The following GRM5 variants were observed in gnomAD, a reference collection of about 807,000 sequenced individuals.
GRM5 encodes metabotropic glutamate receptor 5.
A neutral mutation model predicts 83.1 loss-of-function variants in GRM5; 19 were observed. The ratio of observed to expected loss-of-function variants is 0.23; its 90% CI spans 0.16 to 0.34. The LOEUF is 0.34. GRM5 is among the 10% of genes least tolerant of loss of function. The pLI, the probability that GRM5 is intolerant of heterozygous loss-of-function variation, is 1.00. For missense variants in GRM5, 1,160 were observed against 1,588.3 expected (o/e 0.73, Z 4.58); for synonymous variants, 675 against 633.6 (o/e 1.07, Z -0.98).
chr11:89,002,127 T>C (rs1940401289), intron 2 of GRM5, among the ~76,000 whole-genome samples: 1 of 152,158 alleles, frequency 6.6e-6, no homozygotes, highest in Non-Finnish European at 1.5e-5. Flanking sequence ...GGATTGAACA[T>C]ATTTCTATTT....
intron 2 of GRM5, among the ~76,000 whole-genome samples, chr11:88,887,409 T>C (rs1346017070): frequency 6.6e-6 from 1 of 151,712 alleles, no homozygotes; most frequent in Non-Finnish European, 1.5e-5. Context: ...ATTATGTAGT[T>C]TTTTTTTTGA....
At chr11:88,512,750 G>A (rs1941412587) in intron 9 of GRM5, among the ~76,000 whole-genome samples, 1 of 152,210 alleles carries the variant, frequency 6.6e-6, no homozygotes. Flanking sequence ...GACAATGTAG[G>A]TGAAAAGAGC....
chr11:88,928,905 TATACAC>T (rs1427042006), intron 2 of GRM5, among the ~76,000 whole-genome samples: 6 of 71,594 alleles, frequency 8.4e-5, no homozygotes, highest in Admixed American at 7.4e-4. Flanking sequence ...TGTATGTGTA[TATACAC>T]ACACACACAC....
chr11:88,993,036 T>TA (rs1218498334), intron 2 of GRM5, among the ~76,000 whole-genome samples: 2 of 149,164 alleles, frequency 1.3e-5, no homozygotes, highest in Admixed American at 6.6e-5. Flanking sequence ...AATAAAATAA[T>TA]AAAAAAATAA....
chr11:88,618,511 T>C (rs1504091), intron 4 of GRM5, among the ~76,000 whole-genome samples: 122,326 of 152,012 alleles, frequency 0.8, 49,362 homozygotes, highest in South Asian at 0.88. Context: ...GATTAAGTCA[T>C]TGATTAAAAA....
At chr11:88,957,258 T>C (rs1938647810) in intron 2 of GRM5, among the ~76,000 whole-genome samples, 1 of 152,176 alleles carries the variant, frequency 6.6e-6, no homozygotes, top group Non-Finnish European at 1.5e-5. Flanking sequence ...TCAAGAGAAT[T>C]GTAAGCAGCA....
intron 9 of GRM5, among the ~76,000 whole-genome samples, chr11:88,517,373 A>T (rs1298871930): frequency 2.0e-5 from 3 of 152,178 alleles, no homozygotes; most frequent in Non-Finnish European, 4.4e-5. Flanking sequence ...AATGGAAGAC[A>T]GTGTGTGTAA....
intron 3 of GRM5, among the ~76,000 whole-genome samples, chr11:88,669,287 A>G (rs1321660231): frequency 6.6e-6 from 1 of 152,142 alleles, no homozygotes; most frequent in African/African-American, 2.4e-5. Context: ...ATTCAACATC[A>G]TTCTGATAAA....
chr11:88,694,553 ATT>A (rs5793343), intron 3 of GRM5, among the ~76,000 whole-genome samples: 1 of 147,834 alleles, frequency 6.8e-6, no homozygotes, highest in African/African-American at 2.5e-5. Context: ...TTAGAGAACT[ATT>A]TTTTTTTTTT....
chr11:88,629,919 C>T (rs1020015595), intron 4 of GRM5, among the ~76,000 whole-genome samples: 1 of 152,214 alleles, frequency 6.6e-6, no homozygotes, highest in African/African-American at 2.4e-5. Context: ...TCCAAGATCT[C>T]ACCTTCTGTG....
At chr11:88,838,008 C>T (rs1944123327) in intron 3 of GRM5, among the ~76,000 whole-genome samples, 1 of 134,462 alleles carries the variant, frequency 7.4e-6, no homozygotes, top group Non-Finnish European at 1.5e-5. Flanking sequence ...TGTCGTGAAC[C>T]CGGGAGGCGG....
intron 3 of GRM5, among the ~76,000 whole-genome samples, chr11:88,719,299 T>G (rs1941478336): frequency 6.6e-6 from 1 of 152,054 alleles, no homozygotes; most frequent in African/African-American, 2.4e-5. Flanking sequence ...CTCCCATTTA[T>G]AAGTGAGAAC....
At chr11:88,636,677 A>G (rs1444605764) in intron 4 of GRM5, among the ~76,000 whole-genome samples, 1 of 152,220 alleles carries the variant, frequency 6.6e-6, no homozygotes, top group Admixed American at 6.5e-5. Flanking sequence ...CAAGATAAAC[A>G]CCACTTGGTA....
At chr11:88,835,131 A>C (rs1565253810) in intron 3 of GRM5, among the ~76,000 whole-genome samples, 1 of 152,222 alleles carries the variant, frequency 6.6e-6, no homozygotes, top group South Asian at 2.1e-4. Flanking sequence ...AAAAATGAAA[A>C]GTTCCAGGGA....
At chr11:88,973,978 C>T (rs1351882871) in intron 2 of GRM5, among the ~76,000 whole-genome samples, 2 of 152,124 alleles carry the variant, frequency 1.3e-5, no homozygotes, top group Non-Finnish European at 2.9e-5. Context: ...AAGATCAACA[C>T]TTTCTAGAGG....
rs377163280 is a variant in GRM5 at position 88,586,271 on chromosome 11, T to C, written c.1690+4330A>G. ...AAAAGTATATGGCTAAATATATAGGTAGACATTAATGTCAGTTGATTGCTA... is the reference window on the plus strand; with the variant it reads ...AAAAGTATATGGCTAAATATATAGGCAGACATTAATGTCAGTTGATTGCTA... On this transcript the variant is annotated intron_variant, in intron 7 of 9. Transcript: ENST00000305447. Among the ~76,000 whole-genome samples the C allele has an allele frequency of 2.0e-4, 31 of 152,330 alleles. 1 individual carries two copies. The East Asian group carries it at 4.0e-3, about 20-fold the overall frequency.
intron 5 of GRM5, among the ~76,000 whole-genome samples, chr11:88,601,380 T>C (rs1366162234): frequency 6.6e-6 from 1 of 152,106 alleles, no homozygotes; most frequent in African/African-American, 2.4e-5. Context: ...TTTGGGCCTT[T>C]TCTTTTCTTT....
chr11:88,740,129 A>C (rs542909084), intron 3 of GRM5, among the ~76,000 whole-genome samples: 1 of 152,184 alleles, frequency 6.6e-6, no homozygotes, highest in East Asian at 1.9e-4. Context: ...GGCTAAGTAC[A>C]TTGTAGAATA....
In GRM5 at chr11:89,034,828, T is replaced by C. The variant is rs979338349; in HGVS notation, c.661+12384A>G. ...TCAAAATCTTGTCAAATTAAAGTAC[T>C]ACCAAGCCCTCAAATCCTTTTTTTT... On this transcript the variant is annotated intron_variant, in intron 2 of 9. Transcript: ENST00000305447. 7.4e-5 allele frequency among the ~76,000 whole-genome samples: 11 copies of C among 147,880 alleles called. 1 individual carries two copies. The highest frequency in any genetic ancestry group is 3.5e-4 in the Admixed American group (5 of 14,412).
Sources: gnomAD v4.1 joint callset for allele counts (sites outside exome capture counted in the v4.1 genomes callset) on GRCh38, gnomAD v4.1.1 for gene constraint, MANE v1.5 for transcripts, NCBI Gene and HGNC (gene_info 2026-07-23, HGNC 2026-07-21) for gene names.